The following TMX4 variants were observed in gnomAD, a reference collection of about 807,000 sequenced individuals.
TMX4 encodes thioredoxin related transmembrane protein 4.
A neutral mutation model predicts 33.3 loss-of-function variants in TMX4; 23 were observed. The ratio of observed to expected loss-of-function variants is 0.69; its 90% confidence interval spans 0.50 to 0.98. The LOEUF (loss-of-function observed/expected upper bound fraction) is 0.98, where lower values mean the gene tolerates loss of function less well. Ranked by LOEUF, TMX4 falls within the 50% of genes least tolerant of loss-of-function variation. The pLI is 0.00. For synonymous variants in TMX4, 164 were observed against 161.5 expected (o/e 1.02, Z -0.12); for missense variants, 399 against 448.9 (o/e 0.89, Z 1.01).
At chr20:8,015,424 T>A (rs531593031) in intron 1 of TMX4, among the ~76,000 whole-genome samples, 1 of 152,194 alleles carries the variant, frequency 6.6e-6, no homozygotes, top group Non-Finnish European at 1.5e-5. Flanking sequence ...ACCAAAGAAC[T>A]GTCCACCCAA....
intron 6 of TMX4, among the ~76,000 whole-genome samples, chr20:7,984,590 T>C (rs1037567021): frequency 6.6e-6 from 1 of 152,258 alleles, no homozygotes; most frequent in African/African-American, 2.4e-5. Flanking sequence ...ATATGCTTAC[T>C]GGCTATTCTA....
chr20:8,008,712 G>A (rs2050740471), intron 2 of TMX4, among the ~76,000 whole-genome samples: 1 of 152,132 alleles, frequency 6.6e-6, no homozygotes, highest in Non-Finnish European at 1.5e-5. Context: ...CAAGTCTTAT[G>A]CCTGAATTTA....
rs1001368517 is a variant in TMX4 at position 7,977,881 on chromosome 20, G to A, written c.*4370C>T. On this transcript the variant is annotated 3_prime_UTR_variant, in exon 8 of 8. Coordinates refer to ENST00000246024, the MANE Select transcript of TMX4 (RefSeq NM_021156.4). Reference sequence around the variant, plus strand: ...AAGCTTTACTGAGAATAAGCCATCTGAAGGGCATGTCCCGGGCTGAAGCGA... The same window carrying A: ...AAGCTTTACTGAGAATAAGCCATCTAAAGGGCATGTCCCGGGCTGAAGCGA... 6.6e-6 allele frequency: 1 copy of A among 152,192 alleles called. No homozygotes were observed. The highest frequency in any genetic ancestry group is 6.5e-5 in the Admixed American group (1 of 15,276). 9.4% of individuals were successfully genotyped at this position (152,192 alleles called of 1,614,324 possible).
At chr20:8,010,151 A>C (rs749826601) in intron 2 of TMX4, 49 bp downstream of exon 2, 2 of 1,532,826 alleles carry the variant, frequency 1.3e-6, no homozygotes, top group African/African-American at 2.8e-5. Flanking sequence ...AAAAATTCAA[A>C]ATAAAAAGTC....
At chr20:7,994,975 AAATTTTAACCT>A (rs35752711) in intron 5 of TMX4, among the ~76,000 whole-genome samples, 9,648 of 152,242 alleles carry the variant, frequency 0.063, 994 homozygotes, top group African/African-American at 0.22. Context: ...AAAAAAAGTT[AAATTTTAACCT>A]GAAAGACTGA....
intron 2 of TMX4, among the ~76,000 whole-genome samples, chr20:8,006,819 C>T (rs1018550893): frequency 3.3e-5 from 5 of 149,984 alleles, no homozygotes; most frequent in African/African-American, 9.9e-5. Flanking sequence ...AGTGCAATAG[C>T]GCTATCTCGG....
chr20:7,996,704 G>C (rs1001386034), intron 4 of TMX4, among the ~76,000 whole-genome samples: 10 of 152,016 alleles, frequency 6.6e-5, no homozygotes, highest in Admixed American at 4.6e-4. Flanking sequence ...TTAGGACTTG[G>C]TTCTTTCTCT....
intron 1 of TMX4, among the ~76,000 whole-genome samples, chr20:8,015,261 G>T (rs1389447175): frequency 6.6e-6 from 1 of 152,186 alleles, no homozygotes; most frequent in African/African-American, 2.4e-5. Context: ...ACCCATAACA[G>T]TATCTAGAGC....
intron 5 of TMX4, among the ~76,000 whole-genome samples, chr20:7,988,488 ATC>A (rs2050640047): frequency 6.6e-6 from 1 of 152,226 alleles, no homozygotes; most frequent in South Asian, 2.1e-4. Flanking sequence ...AATCTGAAAT[ATC>A]TCTCTACAAT....
chr20:8,003,247 T>C (rs922295408), intron 2 of TMX4, among the ~76,000 whole-genome samples: 3 of 152,206 alleles, frequency 2.0e-5, no homozygotes. Context: ...AAAAATTTTA[T>C]CTAAAGACAG....
intron 6 of TMX4, among the ~76,000 whole-genome samples, chr20:7,985,255 G>GTATA (rs1213646600): frequency 2.6e-4 from 36 of 137,224 alleles, no homozygotes; most frequent in African/African-American, 5.6e-4. Context: ...ATGTGTGTGT[G>GTATA]TGTATATATA....
In TMX4 at chr20:8,008,733, A is replaced by G. The variant is rs780719711; in HGVS notation, c.292+1467T>C. 3.0e-4 allele frequency among the ~76,000 whole-genome samples: 46 copies of G among 152,148 alleles called. 1 individual carries two copies. The highest frequency in any genetic ancestry group is 3.1e-4 in the Non-Finnish European group (21 of 67,996). ...TTATGCCTGAATTTAGTTTACTTAA[A>G]CTCTAAAGATGAAAACAAGTTTCTG... is the stretch of plus-strand genomic sequence containing the variant. On this transcript the variant is annotated intron_variant, in intron 2 of 7. Coordinates refer to ENST00000246024, the MANE Select transcript of TMX4 (RefSeq NM_021156.4).
intron 7 of TMX4, among the ~76,000 whole-genome samples, chr20:7,983,563 C>T (rs2050618233): frequency 6.6e-6 from 1 of 152,020 alleles, no homozygotes; most frequent in Non-Finnish European, 1.5e-5. Flanking sequence ...TAATGAAGAG[C>T]ACATACTTAA....
At chr20:8,008,000 C>T (rs2050737626) in intron 2 of TMX4, among the ~76,000 whole-genome samples, 1 of 152,232 alleles carries the variant, frequency 6.6e-6, no homozygotes, top group South Asian at 2.1e-4. Flanking sequence ...CTTTGTATCA[C>T]TGGTATCTAG....
chr20:8,018,439 A>T (rs1227806622), intron 1 of TMX4, among the ~76,000 whole-genome samples: 1 of 45,352 alleles, frequency 2.2e-5, no homozygotes, highest in African/African-American at 1.1e-4. Flanking sequence ...GAGAGGAGAG[A>T]GAGAGAGAGG....
chr20:8,001,412 C>A, intron 3 of TMX4, 84 bp downstream of exon 3: 1 of 1,329,270 alleles, frequency 7.5e-7, no homozygotes, highest in South Asian at 1.3e-5. Flanking sequence ...GAATGAGTGG[C>A]AGTCATGGAA....
chr20:7,986,842 C>G (rs2050632869), intron 6 of TMX4, among the ~76,000 whole-genome samples: 1 of 152,032 alleles, frequency 6.6e-6, no homozygotes, highest in Non-Finnish European at 1.5e-5. Context: ...GCATAAGCGG[C>G]TAGTCAGGAT....
At chr20:8,005,084 C>T (rs1298119511) in intron 2 of TMX4, among the ~76,000 whole-genome samples, 1 of 152,088 alleles carries the variant, frequency 6.6e-6, no homozygotes, top group African/African-American at 2.4e-5. Flanking sequence ...AAATATAACA[C>T]TAAAGTACAG....
intron 5 of TMX4, among the ~76,000 whole-genome samples, chr20:7,988,568 A>G (rs1282738973): frequency 6.6e-6 from 1 of 152,234 alleles, no homozygotes; most frequent in East Asian, 1.9e-4. Context: ...ACATGGAATC[A>G]AAGTGTTCAA....
Sources: allele counts gnomAD v4.1 joint callset (sites outside exome capture counted in the v4.1 genomes callset), GRCh38; gene constraint gnomAD v4.1.1; transcripts MANE v1.5; gene names NCBI Gene and HGNC (gene_info 2026-07-23, HGNC 2026-07-21).